Variants in ACAP2 observed in about 807,000 individuals in gnomAD.
ACAP2 encodes the protein ArfGAP with coiled-coil, ankyrin repeat and PH domains 2, also known as arf-GAP with coiled-coil, ANK repeat and PH domain-containing protein 2.
Under a neutral mutation model 115.8 loss-of-function variants are expected in ACAP2, and 39 were observed. The observed-to-expected ratio is 0.34, with a 90% confidence interval of 0.26 to 0.44. The LOEUF (loss-of-function observed/expected upper bound fraction) is 0.44, where lower values mean the gene tolerates loss of function less well. Ranked by LOEUF, ACAP2 falls within the 20% of genes least tolerant of loss-of-function variation. ACAP2 has a pLI of 1.00. For missense variants in ACAP2, 662 were observed against 927.6 expected, an observed-to-expected ratio of 0.71 and a Z score of 3.72; for synonymous variants, 289 against 315.8, an observed-to-expected ratio of 0.92 and a Z score of 0.90.
At chr3:195,308,870 A>C (rs771792196) in intron 10 of ACAP2, 33 bp from the exon 11 acceptor site, 5 of 1,554,440 alleles carry the variant, frequency 3.2e-6, no homozygotes, top group Non-Finnish European at 4.4e-6. Context: ...AAGTTTTCAT[A>C]AACATAATTT....
chr3:195,369,593 C>T (rs548333326), intron 4 of ACAP2, among the ~76,000 whole-genome samples: 1 of 152,306 alleles, frequency 6.6e-6, no homozygotes, highest in South Asian at 2.1e-4. Flanking sequence ...GACATGATCT[C>T]ATTTTTATGG....
intron 1 of ACAP2, among the ~76,000 whole-genome samples, chr3:195,415,466 G>A (rs543620933): frequency 6.6e-6 from 1 of 151,816 alleles, no homozygotes; most frequent in Non-Finnish European, 1.5e-5. Context: ...TAGTAGAGAC[G>A]GGATTTCACC....
chr3:195,429,768 T>C (rs79900979), intron 1 of ACAP2, among the ~76,000 whole-genome samples: 4,318 of 152,292 alleles, frequency 0.028, 188 homozygotes, highest in African/African-American at 0.096. Context: ...TAAGAAACCA[T>C]TGCCTAATTC....
intron 10 of ACAP2, among the ~76,000 whole-genome samples, chr3:195,311,615 C>A (rs1728774662): frequency 6.6e-6 from 1 of 152,198 alleles, no homozygotes; most frequent in Non-Finnish European, 1.5e-5. Flanking sequence ...CGGCTCACTG[C>A]AACCTCCGCC....
chr3:195,404,708 T>TTATA (rs10662804), intron 1 of ACAP2, among the ~76,000 whole-genome samples: 53,162 of 149,412 alleles, frequency 0.36, 11,405 homozygotes, highest in East Asian at 0.83. Context: ...CATATATAGT[T>TTATA]TATATACACA....
chr3:195,424,833 T>A (rs1311610341), intron 1 of ACAP2, among the ~76,000 whole-genome samples: 1 of 148,134 alleles, frequency 6.8e-6, no homozygotes, highest in African/African-American at 2.5e-5. Context: ...GAGAGGATCA[T>A]TTGAGCCAAG....
intron 6 of ACAP2, among the ~76,000 whole-genome samples, chr3:195,340,929 GA>G (rs1267180381): frequency 2.0e-5 from 3 of 151,718 alleles, no homozygotes; most frequent in East Asian, 3.9e-4. Flanking sequence ...GAACTTAATA[GA>G]AAAAAAACTT....
intron 4 of ACAP2, among the ~76,000 whole-genome samples, chr3:195,364,289 T>C (rs1210829118): frequency 1.3e-5 from 2 of 152,152 alleles, no homozygotes; most frequent in Non-Finnish European, 2.9e-5. Context: ...AATATCTGAA[T>C]AGACGTTTCT....
intron 1 of ACAP2, among the ~76,000 whole-genome samples, chr3:195,419,828 TA>T (rs1352220724): frequency 2.0e-5 from 3 of 152,202 alleles, no homozygotes; most frequent in African/African-American, 7.2e-5. Context: ...CACCATTCTC[TA>T]AAGTCTTACA....
intron 1 of ACAP2, among the ~76,000 whole-genome samples, chr3:195,439,081 T>C (rs902209867): frequency 1.3e-5 from 2 of 150,734 alleles, no homozygotes; most frequent in Non-Finnish European, 3.0e-5. Context: ...AAGAATCATA[T>C]CTGAAATAGA....
Position 195,434,126 on chromosome 3 carries a change from A to AC in ACAP2, c.53+8668dup, listed in dbSNP as rs769099647. ...AATTTTTTTATAGAGACAAGGTCTC[A>AC]CTATGTTGCCCAGACTGATCTCGAA... On this transcript the variant is annotated intron_variant, in intron 1 of 22. Coordinates refer to ENST00000326793, the MANE Select transcript of ACAP2 (RefSeq NM_012287.6). Among the ~76,000 whole-genome samples, 5 of 152,184 alleles carry AC rather than the reference A, an allele frequency of 3.3e-5. No homozygotes were observed. The East Asian group carries it at 7.7e-4, about 23-fold the overall frequency.
chr3:195,371,872 T>C (rs1037728895), intron 4 of ACAP2, among the ~76,000 whole-genome samples: 1 of 152,150 alleles, frequency 6.6e-6, no homozygotes, highest in African/African-American at 2.4e-5. Context: ...ATGCCCAGGC[T>C]GGTCTCAAAC....
intron 12 of ACAP2, 90 bp downstream of exon 12, chr3:195,307,129 TACAG>T: frequency 3.1e-6 from 3 of 960,990 alleles, no homozygotes; most frequent in Non-Finnish European, 4.8e-6. Context: ...TTAGCACAGA[TACAG>T]ACAAATGCAA....
At chr3:195,316,910 T>TC (rs1729127504) in intron 10 of ACAP2, among the ~76,000 whole-genome samples, 1 of 136,440 alleles carries the variant, frequency 7.3e-6, no homozygotes, top group African/African-American at 2.7e-5. Context: ...TTTTTTTTTT[T>TC]TTTTTTTTTT....
At position 195,419,235 on chromosome 3, in the gene ACAP2, A is replaced by G. The variant is rs760286706; in HGVS notation, c.53+23560T>C. On this transcript the variant is annotated intron_variant, in intron 1 of 22. Transcript: ENST00000326793. ...TACCCATTAGCAGTCACTTCCCATTACCTCTTTCCCTGCGCCCAGCCCTAG... is the reference window on the plus strand; with the variant it reads ...TACCCATTAGCAGTCACTTCCCATTGCCTCTTTCCCTGCGCCCAGCCCTAG... Among the ~76,000 whole-genome samples, 3 of 151,942 alleles carry G rather than the reference A, an allele frequency of 2.0e-5. No individual in the cohort carries two copies. The East Asian group carries it at 5.8e-4, about 29-fold the overall frequency.
chr3:195,405,888 A>G (rs573553354), intron 1 of ACAP2, among the ~76,000 whole-genome samples: 3 of 152,086 alleles, frequency 2.0e-5, no homozygotes, highest in Admixed American at 6.6e-5. Flanking sequence ...GGAGTTACAC[A>G]TTCTTAAACA....
rs143986348 is a variant in ACAP2, at chr3:195,275,290, G to A, written c.*4038C>T. ...TTGTCTCCACATTATCACATTTTAA[G>A]TGGATAAATTTATGTAAACAGAAAA... is the stretch of plus-strand genomic sequence containing the variant. On this transcript the variant is annotated 3_prime_UTR_variant, in exon 23 of 23. Coordinates refer to ENST00000326793, the MANE Select transcript of ACAP2 (RefSeq NM_012287.6). 44 of 152,344 alleles carry A rather than the reference G, an allele frequency of 2.9e-4. No homozygotes were observed. The highest frequency in any genetic ancestry group is 1.0e-3 in the African/African-American group (42 of 41,564). 9.4% of individuals were successfully genotyped at this position (152,344 alleles called of 1,614,324 possible). A position where few individuals can be genotyped will look rare whatever the true frequency, so the allele number is the denominator to read the frequency against.
chr3:195,317,338 T>C (rs1214524506), intron 10 of ACAP2, among the ~76,000 whole-genome samples: 3 of 152,218 alleles, frequency 2.0e-5, no homozygotes, highest in Non-Finnish European at 4.4e-5. Flanking sequence ...ATATTTACTT[T>C]ACTAATGTCC....
chr3:195,330,236 AC>A (rs1181251093), intron 8 of ACAP2, among the ~76,000 whole-genome samples: 1 of 151,958 alleles, frequency 6.6e-6, no homozygotes, highest in African/African-American at 2.4e-5. Context: ...CTCAAATCTA[AC>A]CATTTCTATC....
Sources: allele counts gnomAD v4.1 joint callset (sites outside exome capture counted in the v4.1 genomes callset), GRCh38; gene constraint gnomAD v4.1.1; transcripts MANE v1.5; gene names NCBI Gene and HGNC (gene_info 2026-07-23, HGNC 2026-07-21).